The following OGFR variants were observed in gnomAD, a reference collection of about 807,000 sequenced individuals.
OGFR encodes protein 7-60.
In OGFR, 18 loss-of-function variants were observed where a neutral mutation model predicts 33.6. That is an observed-to-expected ratio of 0.54 (90% CI 0.37 to 0.80). The LOEUF is 0.80. Ranked by LOEUF, OGFR falls within the 30% of genes least tolerant of loss-of-function variation. The pLI, the probability that OGFR is intolerant of heterozygous loss-of-function variation, is 0.00. For synonymous variants in OGFR, 370 were observed against 400.7 expected (o/e 0.92, Z 0.91); for missense variants, 877 against 955.8 (o/e 0.92, Z 1.09).
chr20:62,811,593 C>T lies in OGFR; in HGVS notation c.597C>T (p.Arg199=). The change falls in exon 6 of 7, where the codon CGC becomes CGT. Residue 199 remains arginine, a synonymous_variant. Coordinates refer to ENST00000290291, the MANE Select transcript of OGFR (RefSeq NM_007346.4). ...GCCGAGCACAGAACTACCAGAAGCG[C>T]TTCCAGAACCTGAACTGGTGAGGCC... ...TVGRAQNYQK[R]FQNLNWRSHN... 1.3e-6 allele frequency: 2 copies of T among 1,590,916 alleles called. No individual in the cohort carries two copies. The highest frequency in any genetic ancestry group is 1.7e-6 in the Non-Finnish European group (2 of 1,169,560).
At chr20:62,810,363 C>T in intron 4 of OGFR, 136 bp from the exon 5 acceptor site, 1 of 772,898 alleles carries the variant, frequency 1.3e-6, no homozygotes. Context: ...CGCTCCTCCA[C>T]CTAGCCACTC....
chr20:62,813,038 G>T lies in OGFR; in HGVS notation c.1423G>T (p.Gly475Cys). The T allele has an allele frequency of 6.3e-7, 1 of 1,597,900 alleles. No individual in the cohort carries two copies. Among genetic ancestry groups the T allele is most frequent in the South Asian group, 1.1e-5 (1 of 89,346 alleles). Residue 475 changes from glycine to cysteine, a missense_variant, in exon 7 of 7, where the codon GGT becomes TGT. By Grantham distance (159) the Gly-to-Cys change is radical. Transcript: ENST00000290291. ...GGACAGTGCTGCGGTGGCCAGTGGT[G>T]GTGCCCAGACCTTGGCCCTTGCCGG... ...AGDSAAVASG[G>C]AQTLALAGSP...
At chr20:62,805,339 C>CCGCCTCGGGCCCG (rs1160853119) in intron 1 of OGFR, 2 of 187,208 alleles carry the variant, frequency 1.1e-5, no homozygotes, top group African/African-American at 4.7e-5. Flanking sequence ...GGAACCCCTC[C>CCGCCTCGGGCCCG]CGCCTCGGGC....
chr20:62,810,470 C>T, intron 4 of OGFR, 29 bp from the exon 5 acceptor site: 5 of 1,611,154 alleles, frequency 3.1e-6, no homozygotes, highest in Non-Finnish European at 4.2e-6. Context: ...CTCTCCTAAT[C>T]CCTTGCCTGA....
chr20:62,809,648 A>G lies in OGFR; in HGVS notation c.383A>G (p.His128Arg). 1 of 1,558,678 alleles carries G rather than the reference A, an allele frequency of 6.4e-7. No homozygotes were observed. Among genetic ancestry groups the G allele is most frequent in the Non-Finnish European group, 8.7e-7 (1 of 1,148,366 alleles). ...AACTATGACCTCCTTGAGGACAATC[A>G]CTCCTACATCCAGTGGTGAGTTGGG... ...TDNYDLLEDN[H>R]SYIQWLFPLR... is the part of the protein sequence containing the mutation. The change falls in exon 4 of 7, where the codon CAC (histidine) becomes CGC (arginine). Residue 128 changes from histidine (H) to arginine (R), a missense_variant. Transcript: ENST00000290291.
chr20:62,808,839 G>A (rs1439402974), intron 3 of OGFR, among the ~76,000 whole-genome samples: 1 of 151,896 alleles, frequency 6.6e-6, no homozygotes, highest in Non-Finnish European at 1.5e-5. Context: ...GCCAGGTGTG[G>A]TAGCGTGCGC....
In OGFR at chr20:62,812,391, TCGC is replaced by T. The variant is rs1990749739; in HGVS notation, c.779_781del (p.Ala260del). 1 of 1,580,544 alleles carries T rather than the reference TCGC, an allele frequency of 6.3e-7. No homozygotes were observed. The highest frequency in any genetic ancestry group is 8.6e-7 in the Non-Finnish European group (1 of 1,164,918). ...CAGAGTGCCCTGGACTACTTCATGT[TCGC>T]CGTGCGCTGCCGACACCAGCGCCGC... is the stretch of plus-strand genomic sequence containing the variant. On this transcript the variant is annotated inframe_deletion, in exon 7 of 7. Coordinates refer to ENST00000290291, the MANE Select transcript of OGFR (RefSeq NM_007346.4).
chr20:62,812,392 C>T lies in OGFR; in HGVS notation c.777C>T (p.Phe259=), dbSNP rs370512665. The T allele has an allele frequency of 9.4e-5, 148 of 1,580,288 alleles. No individual in the cohort carries two copies. In the African/African-American group the frequency reaches 1.3e-3, roughly 14 times the overall value. ...AGAGTGCCCTGGACTACTTCATGTT[C>T]GCCGTGCGCTGCCGACACCAGCGCC... ...VRQSALDYFM[F]AVRCRHQRRQ... Residue 259 remains phenylalanine (F), a synonymous_variant, in exon 7 of 7, where the codon TTC becomes TTT. Transcript: ENST00000290291.
chr20:62,808,104 C>A (rs987772082), intron 2 of OGFR, 143 bp from the exon 3 acceptor site: 6 of 750,032 alleles, frequency 8.0e-6, no homozygotes, highest in Non-Finnish European at 1.5e-5. Context: ...TGGCCCCCAC[C>A]TGCAGAGTGA....
At chr20:62,810,408 T>C in intron 4 of OGFR, 91 bp from the exon 5 acceptor site, 1 of 1,289,138 alleles carries the variant, frequency 7.8e-7, no homozygotes, top group Non-Finnish European at 1.1e-6. Context: ...CCAGAGGGGA[T>C]TGGAACTGCC....
In OGFR at chr20:62,807,557, A is replaced by G. The variant is rs545757093; in HGVS notation, c.192A>G (p.Arg64=). The change falls in exon 2 of 7, where the codon AGA becomes AGG. Residue 64 remains arginine (R), a synonymous_variant. Transcript: ENST00000290291. The part of the protein sequence containing the change: ...SSFQSRMTGS[R]NWRATRDMCR... ...CCCAGTCCAGAATGACAGGGTCCAG[A>G]AACTGGCGAGCCACGAGGGACATGT... is the stretch of plus-strand genomic sequence containing the variant. 68 of 1,612,928 alleles carry G rather than the reference A, an allele frequency of 4.2e-5. No homozygotes were observed. In the East Asian group the frequency reaches 1.5e-3, roughly 35 times the overall value.
rs1213464732 is a variant in OGFR, at chr20:62,810,491, T to C, written c.399-8T>C. 1.2e-6 allele frequency: 2 copies of C among 1,613,116 alleles called. No homozygotes were observed. Among genetic ancestry groups the C allele is most frequent in the South Asian group, 2.2e-5 (2 of 91,076 alleles). ...TAATCCCTTGCCTGAGCATCTCTTCTCCTGCAGGCTGTTTCCTCTGCGAGA... is the reference window on the plus strand; with the variant it reads ...TAATCCCTTGCCTGAGCATCTCTTCCCCTGCAGGCTGTTTCCTCTGCGAGA... On this transcript the variant is annotated splice_polypyrimidine_tract_variant and splice_region_variant and intron_variant, in intron 4 of 6. Coordinates refer to ENST00000290291, the MANE Select transcript of OGFR (RefSeq NM_007346.4).
Position 62,811,472 on chromosome 20 carries a change from G to A in OGFR, c.476G>A (p.Ser159Asn). 1.2e-6 allele frequency: 2 copies of A among 1,611,476 alleles called. No individual in the cohort carries two copies. Among genetic ancestry groups the A allele is most frequent in the Non-Finnish European group, 1.7e-6 (2 of 1,179,530 alleles). The change falls in exon 6 of 7, where the codon AGC (serine) becomes AAC (asparagine). Residue 159 changes from serine (S) to asparagine (N), a missense_variant. Physicochemically the swap from Ser to Asn is conservative, Grantham distance 46. Transcript: ENST00000290291. Reference sequence around the variant, plus strand: ...GGGGGTCTTTTCCAGGTGTTTAAAAGCTCCCAGGAGATCCAGGAGCGGCTT... The same window carrying A: ...GGGGGTCTTTTCCAGGTGTTTAAAAACTCCCAGGAGATCCAGGAGCGGCTT... ...LTLREVEVFK[S>N]SQEIQERLVR...
intron 2 of OGFR, chr20:62,807,889 G>A (rs1015781826): frequency 1.7e-5 from 10 of 598,898 alleles, no homozygotes; most frequent in East Asian, 2.8e-5. Flanking sequence ...TGTGGGGTCC[G>A]TGATACCGCC....
At chr20:62,807,424 G>A (rs796750097) in intron 1 of OGFR, 113 bp from the exon 2 acceptor site, 33 of 871,310 alleles carry the variant, frequency 3.8e-5, no homozygotes, top group African/African-American at 8.4e-5. Flanking sequence ...TGAAACCCCC[G>A]CCCTTTAAAG....
intron 4 of OGFR, among the ~76,000 whole-genome samples, chr20:62,809,999 C>T (rs755224436): frequency 2.0e-4 from 31 of 152,236 alleles, no homozygotes; most frequent in Non-Finnish European, 5.9e-5. Context: ...AGGGGCGGCC[C>T]CCGTCTCGGA....
rs1343020193 is a variant in OGFR, at chr20:62,813,928, G to A, written c.*279G>A. 3 of 551,818 alleles carry A rather than the reference G, an allele frequency of 5.4e-6. No homozygotes were observed. The South Asian group carries it at 6.8e-5, about 12-fold the overall frequency. The allele number at this position is 551,818 out of a possible 1,614,324, so 34.2% of individuals were successfully genotyped here. ...TAAATTGACCCTTCTGGAGTGGGGG[G>A]CGGCGGGCAGGGCTGCTTTTCTTAG... On this transcript the variant is annotated 3_prime_UTR_variant, in exon 7 of 7. Coordinates refer to ENST00000290291, the MANE Select transcript of OGFR (RefSeq NM_007346.4).
At chr20:62,811,978 G>A (rs1430639687) in intron 6 of OGFR, among the ~76,000 whole-genome samples, 1 of 152,180 alleles carries the variant, frequency 6.6e-6, no homozygotes, top group Non-Finnish European at 1.5e-5. Context: ...AGGGGGACTC[G>A]GGGTACAGCC....
At chr20:62,808,189 G>A in intron 2 of OGFR, 58 bp from the exon 3 acceptor site, 5 of 1,345,020 alleles carry the variant, frequency 3.7e-6, no homozygotes, top group South Asian at 2.3e-5. Context: ...GACACGGAGG[G>A]CCCCAGGGCA....
Sources: allele counts gnomAD v4.1 joint callset (sites outside exome capture counted in the v4.1 genomes callset), GRCh38; gene constraint gnomAD v4.1.1; transcripts MANE v1.5; gene names NCBI Gene and HGNC (gene_info 2026-07-23, HGNC 2026-07-21).